C2CD3: variants seen among roughly 807,000 people sequenced by gnomAD.
C2CD3 encodes the protein C2 domain containing 3 centriole elongation regulator.
C2CD3 carries 148 observed loss-of-function variants against 234.0 expected under a neutral mutation model. The observed-to-expected ratio is 0.63, with a 90% CI of 0.55 to 0.72. C2CD3 has a LOEUF of 0.72. Among genes scored for constraint, C2CD3 ranks in the 30% least tolerant of loss-of-function variants. The pLI, the probability that C2CD3 is intolerant of heterozygous loss-of-function variation, is 0.00. For missense variants in C2CD3, 2,577 were observed against 2,811.5 expected (o/e 0.92, Z 1.89); for synonymous variants, 1,000 against 1,035.4 (o/e 0.97, Z 0.66).
At chr11:74,081,621 CAT>C (rs1955369349) in intron 22 of C2CD3, among the ~76,000 whole-genome samples, 1 of 151,940 alleles carries the variant, frequency 6.6e-6, no homozygotes, top group Non-Finnish European at 1.5e-5. Flanking sequence ...TCATCATCAT[CAT>C]CACCATCATC....
At chr11:74,089,144 T>C (rs1955778855) in intron 20 of C2CD3, among the ~76,000 whole-genome samples, 1 of 152,186 alleles carries the variant, frequency 6.6e-6, no homozygotes, top group Admixed American at 6.5e-5. Context: ...ATGAGATCAC[T>C]GCTATCAACA....
chr11:74,046,364 G>A (rs180752876), intron 28 of C2CD3, among the ~76,000 whole-genome samples: 4 of 152,218 alleles, frequency 2.6e-5, no homozygotes, highest in Admixed American at 2.6e-4. Flanking sequence ...TATTTTAAGA[G>A]ACAGGTTCTC....
chr11:74,034,488 T>C (rs1591296747), intron 30 of C2CD3: 1 of 1,582,590 alleles, frequency 6.3e-7, no homozygotes, highest in Middle Eastern at 1.7e-4. Flanking sequence ...CAGAATCTAA[T>C]CTATAGTTGT....
At position 74,049,485 on chromosome 11, in the gene C2CD3, A is replaced by T. The variant is rs1396204300; in HGVS notation, c.5213T>A (p.Phe1738Tyr). 1 of 1,613,130 alleles carries T rather than the reference A, an allele frequency of 6.2e-7. No individual in the cohort carries two copies. The highest frequency in any genetic ancestry group is 2.2e-5 in the East Asian group (1 of 44,896). ...GTTGTACCAGCCACAGACAAACTGG[A>T]AGCCAGAGAGAAGTGGGGAGAGGTC... ...SVDLSPLLSG[F>Y]QFVCGWYNIT... Residue 1738 changes from phenylalanine (F) to tyrosine (Y), a missense_variant, in exon 27 of 33, where the codon TTC (phenylalanine) becomes TAC (tyrosine). Phe to Tyr is a conservative substitution (Grantham distance 22). Coordinates refer to ENST00000334126, the MANE Select transcript of C2CD3 (RefSeq NM_001286577.2).
chr11:74,120,147 C>CT (rs1378826932), intron 8 of C2CD3, among the ~76,000 whole-genome samples: 1 of 149,416 alleles, frequency 6.7e-6, no homozygotes, highest in African/African-American at 2.5e-5. Flanking sequence ...TTTAATTATA[C>CT]TTTAAGTTCT....
At chr11:74,136,964 TAA>T (rs375515891) in intron 5 of C2CD3, among the ~76,000 whole-genome samples, 1 of 144,834 alleles carries the variant, frequency 6.9e-6, no homozygotes. Flanking sequence ...AAATAAAAGT[TAA>T]AAAAAAAAAG....
chr11:74,107,640 GAATA>G (rs1956575584), intron 12 of C2CD3, among the ~76,000 whole-genome samples: 1 of 151,890 alleles, frequency 6.6e-6, no homozygotes, highest in African/African-American at 2.4e-5. Context: ...GAAGAAAAAT[GAATA>G]AAAACCCTCA....
intron 9 of C2CD3, among the ~76,000 whole-genome samples, chr11:74,116,834 GTATA>G (rs1186787500): frequency 7.2e-6 from 1 of 138,516 alleles, no homozygotes. Context: ...ATACGTGTGT[GTATA>G]TATACACGTG....
chr11:74,079,424 G>A (rs1191760157), intron 22 of C2CD3, among the ~76,000 whole-genome samples: 1 of 151,762 alleles, frequency 6.6e-6, no homozygotes, highest in Non-Finnish European at 1.5e-5. Flanking sequence ...ATAGGGTCGT[G>A]TTGTGATACC....
chr11:74,094,390 G>A (rs1478963435), intron 17 of C2CD3, among the ~76,000 whole-genome samples: 2 of 152,064 alleles, frequency 1.3e-5, no homozygotes, highest in African/African-American at 2.4e-5. Flanking sequence ...TTTAAGAAAT[G>A]ATTGATTTGT....
rs1453351264 is a variant in C2CD3 at position 74,130,900 on chromosome 11, T to C, written c.1217+1944A>G. Among the ~76,000 whole-genome samples, 7 of 152,196 alleles carry C rather than the reference T, an allele frequency of 4.6e-5. No homozygotes were observed. In the East Asian group the frequency reaches 1.4e-3, roughly 29 times the overall value. On this transcript the variant is annotated intron_variant, in intron 7 of 32. Coordinates refer to ENST00000334126, the MANE Select transcript of C2CD3 (RefSeq NM_001286577.2). ...AGTCAGCTGGGATTCTGATATTGTG[T>C]TGAAAGATAAACATAGGATTTTTTC...
intron 32 of C2CD3, among the ~76,000 whole-genome samples, chr11:74,021,362 A>G (rs1317221409): frequency 3.3e-5 from 5 of 152,238 alleles, no homozygotes; most frequent in Non-Finnish European, 7.3e-5. Context: ...TAAAATCTGG[A>G]GCTCAATTTT....
chr11:74,067,731 T>C (rs1046093823), intron 24 of C2CD3, among the ~76,000 whole-genome samples: 1 of 152,194 alleles, frequency 6.6e-6, no homozygotes, highest in African/African-American at 2.4e-5. Flanking sequence ...CGGATTGACT[T>C]GCTGAGCATC....
intron 24 of C2CD3, among the ~76,000 whole-genome samples, chr11:74,065,943 T>C (rs1954508841): frequency 1.4e-5 from 2 of 144,854 alleles, no homozygotes; most frequent in Non-Finnish European, 3.0e-5. Context: ...AGGGATAGCA[T>C]TAGGAGATAT....
intron 24 of C2CD3, among the ~76,000 whole-genome samples, chr11:74,067,842 C>A (rs567234558): frequency 6.6e-6 from 1 of 152,162 alleles, no homozygotes; most frequent in Non-Finnish European, 1.5e-5. Flanking sequence ...GGTATGGATG[C>A]AAATTGGCCT....
At chr11:74,132,109 G>C (rs1025004732) in intron 7 of C2CD3, among the ~76,000 whole-genome samples, 1 of 152,180 alleles carries the variant, frequency 6.6e-6, no homozygotes, top group African/African-American at 2.4e-5. Context: ...CCAGCACTTT[G>C]GGAGGCTGAA....
rs1420679665 is a variant in C2CD3, at chr11:74,034,030, T to A, written c.6130A>T (p.Ile2044Phe). 6.5e-7 allele frequency: 1 copy of A among 1,536,508 alleles called. No homozygotes were observed. The highest frequency in any genetic ancestry group is 2.4e-5 in the East Asian group (1 of 40,920). Residue 2044 changes from isoleucine (I) to phenylalanine (F), a missense_variant, in exon 31 of 33, where the codon ATT becomes TTT. Ile to Phe is a conservative substitution (Grantham distance 21, BLOSUM62 0). Transcript: ENST00000334126. The part of the protein sequence containing the change: ...LHESLRHAVP[I>F]TRMQSSEDTE... ...TCTTCACTGCTCTGCATCCTTGTAA[T>A]GGGTACTGCATGCCTCAGGGACTCA...
chr11:74,035,914 G>A (rs563727219), intron 30 of C2CD3, among the ~76,000 whole-genome samples: 2 of 152,082 alleles, frequency 1.3e-5, no homozygotes, highest in African/African-American at 2.4e-5. Flanking sequence ...AGGCCGGGGT[G>A]CAGTGGAACA....
intron 7 of C2CD3, among the ~76,000 whole-genome samples, chr11:74,124,950 T>C (rs959654370): frequency 6.6e-6 from 1 of 152,220 alleles, no homozygotes; most frequent in African/African-American, 2.4e-5. Flanking sequence ...AAAATTTGCC[T>C]GTGTTCCTTG....
Sources: allele counts gnomAD v4.1 joint callset (sites outside exome capture counted in the v4.1 genomes callset), GRCh38; gene constraint gnomAD v4.1.1; transcripts MANE v1.5; gene names NCBI Gene and HGNC (gene_info 2026-07-23, HGNC 2026-07-21).